ELP1: variants seen among roughly 807,000 people sequenced by gnomAD.
ELP1 encodes the protein elongator acetyltransferase complex subunit 1, also known as elongator complex protein 1.
ELP1 carries 131 observed loss-of-function variants against 183.2 expected under a neutral mutation model. The observed-to-expected ratio is 0.72, with a 90% CI of 0.62 to 0.83. The LOEUF is 0.83. Among genes scored for constraint, ELP1 ranks in the 40% least tolerant of loss-of-function variants. The pLI is 0.00. For synonymous variants in ELP1, 555 were observed against 569.0 expected (o/e 0.98, Z 0.35); for missense variants, 1,550 against 1,594.9 (o/e 0.97, Z 0.48).
chr9:108,878,869 T>A (rs2118936751), intron 33 of ELP1, 119 bp from the exon 34 acceptor site: 1 of 1,065,138 alleles, frequency 9.4e-7, no homozygotes, highest in African/African-American at 1.6e-5. Flanking sequence ...TTCACAGATC[T>A]CCATTTTAAA....
chr9:108,870,400 AG>A (rs1827404625), intron 36 of ELP1, among the ~76,000 whole-genome samples: 1 of 152,238 alleles, frequency 6.6e-6, no homozygotes, highest in Non-Finnish European at 1.5e-5. Context: ...CCTACAATAA[AG>A]TAAGCTAGAG....
chr9:108,888,957 G>C (rs1489754340), intron 29 of ELP1, among the ~76,000 whole-genome samples: 1 of 152,186 alleles, frequency 6.6e-6, no homozygotes, highest in South Asian at 2.1e-4. Context: ...TTCCAATAGG[G>C]AGAATGAGAG....
intron 14 of ELP1, among the ~76,000 whole-genome samples, chr9:108,905,036 C>T (rs967689141): frequency 6.6e-6 from 1 of 152,170 alleles, no homozygotes; most frequent in African/African-American, 2.4e-5. Context: ...TAGTAAATTG[C>T]TCCGCTTTTC....
In ELP1 at chr9:108,906,372, CG is replaced by C; in HGVS notation, c.1573del (p.Arg525GlyfsTer7). On this transcript the variant is annotated frameshift_variant, in exon 14 of 37. Coordinates refer to ENST00000374647, the MANE Select transcript of ELP1 (RefSeq NM_003640.5). LOFTEE classifies it high-confidence loss of function. ...LAVSHSEFSP[R>X]SVIHHLTAAS... ...TGCAGTCAAATGGTGAATGACAGAC[CG>C]GGGGCTGAACTCACTGTGGCTTACA... 6.2e-7 allele frequency: 1 copy of C among 1,613,954 alleles called. No individual in the cohort carries two copies. Among genetic ancestry groups the C allele is most frequent in the Non-Finnish European group, 8.5e-7 (1 of 1,179,942 alleles).
chr9:108,902,969 A>G (rs1828867637), intron 15 of ELP1, 27 bp from the exon 16 acceptor site: 1 of 1,559,238 alleles, frequency 6.4e-7, no homozygotes, highest in Non-Finnish European at 8.8e-7. Flanking sequence ...TCTAGTTCAC[A>G]AATAGCTGAT....
At chr9:108,890,229 C>T (rs756736599) in intron 28 of ELP1, among the ~76,000 whole-genome samples, 8 of 151,914 alleles carry the variant, frequency 5.3e-5, no homozygotes, top group African/African-American at 9.7e-5. Flanking sequence ...AAGGAATTCT[C>T]GACATTTGTA....
At chr9:108,925,985 T>A (rs528304675) in intron 5 of ELP1, among the ~76,000 whole-genome samples, 1 of 152,148 alleles carries the variant, frequency 6.6e-6, no homozygotes, top group Non-Finnish European at 1.5e-5. Context: ...TTCTTCCCCA[T>A]CCCTCTTCAA....
At position 108,902,688 on chromosome 9, in the gene ELP1, T is replaced by C. The variant is rs936978229; in HGVS notation, c.1854+151A>G. The C allele has an allele frequency of 8.7e-6, 6 of 692,114 alleles. No homozygotes were observed. The Admixed American group carries it at 1.2e-4, about 14-fold the overall frequency. The allele number at this position is 692,114 out of a possible 1,614,324, so 42.9% of individuals were successfully genotyped here. A position where few individuals can be genotyped will look rare whatever the true frequency, so the allele number is the denominator to read the frequency against. ...TTTCCCATTTTATAGATGAATAAGG[T>C]GTGGCTTATGAAAGTGAGATCATTT... On this transcript the variant is annotated intron_variant, in intron 16 of 36. Transcript: ENST00000374647.
chr9:108,888,498 T>C (rs1295593699), intron 29 of ELP1, among the ~76,000 whole-genome samples: 1 of 152,192 alleles, frequency 6.6e-6, no homozygotes, highest in African/African-American at 2.4e-5. Context: ...AAAAAGATAA[T>C]GACATCTTAT....
At chr9:108,911,936 C>T (rs1829237164) in intron 11 of ELP1, among the ~76,000 whole-genome samples, 1 of 152,110 alleles carries the variant, frequency 6.6e-6, no homozygotes, top group African/African-American at 2.4e-5. Context: ...TCAGGGCAAA[C>T]AGATAAAGCT....
rs10759327 is a variant in ELP1 at position 108,902,556 on chromosome 9, C to A, written c.1854+283G>T. 0.48 allele frequency among the ~76,000 whole-genome samples: 73,318 copies of A among 151,986 alleles called. 17,985 individuals are homozygous for A. The highest frequency in any genetic ancestry group is 0.59 in the East Asian group (3,037 of 5,162). Reference sequence around the variant, plus strand: ...TCAAGATCACATTTCTGTTTCCCCTCCTAAATAAAATTAACTTTGAATGAT... The same window carrying A: ...TCAAGATCACATTTCTGTTTCCCCTACTAAATAAAATTAACTTTGAATGAT... On this transcript the variant is annotated intron_variant, in intron 16 of 36. Coordinates refer to ENST00000374647, the MANE Select transcript of ELP1 (RefSeq NM_003640.5).
Position 108,918,891 on chromosome 9 carries a change from C to A in ELP1, c.660G>T (p.Lys220Asn). The change falls in exon 8 of 37, where the codon AAG becomes AAT. Residue 220 changes from lysine to asparagine, a missense_variant. Lys to Asn is a moderately conservative substitution (Grantham distance 94). Coordinates refer to ENST00000374647, the MANE Select transcript of ELP1 (RefSeq NM_003640.5). ...CAAACTCTCGGTTCCACACTCTGACCTTCCGAGCCCCTGTGCGGGAGTGGA... is the reference window on the plus strand; with the variant it reads ...CAAACTCTCGGTTCCACACTCTGACATTCCGAGCCCCTGTGCGGGAGTGGA... ...SVVCPETGAR[K>N]VRVWNREFAL... is the part of the protein sequence containing the mutation. 1 of 1,614,020 alleles carries A rather than the reference C, an allele frequency of 6.2e-7. No individual in the cohort carries two copies. Among genetic ancestry groups the A allele is most frequent in the Non-Finnish European group, 8.5e-7 (1 of 1,179,862 alleles).
chr9:108,874,923 C>A lies in ELP1; in HGVS notation c.3903G>T (p.Gln1301His), dbSNP rs200524123. Reference protein sequence around the residue: ...STANSIMASYQQQKTSVPVLD... With the variant: ...STANSIMASYHQQKTSVPVLD... ...GAACAGGAACCGAAGTCTTCTGTTG[C>A]TGATAAGATGCCATGATACTATTTG... The change falls in exon 36 of 37, where the codon CAG becomes CAT. Residue 1301 changes from glutamine (Q) to histidine (H), a missense_variant. Coordinates refer to ENST00000374647, the MANE Select transcript of ELP1 (RefSeq NM_003640.5). The A allele has an allele frequency of 1.2e-5, 20 of 1,612,496 alleles. No homozygotes were observed. In the Admixed American group the frequency reaches 3.3e-4, roughly 27 times the overall value.
chr9:108,881,127 TA>T (rs1409432564), intron 31 of ELP1, among the ~76,000 whole-genome samples: 4 of 152,206 alleles, frequency 2.6e-5, no homozygotes, highest in Non-Finnish European at 4.4e-5. Flanking sequence ...AGGTAACTTT[TA>T]AAAAATACTT....
intron 24 of ELP1, 61 bp downstream of exon 24, chr9:108,896,892 T>C (rs1587890876): frequency 7.2e-7 from 1 of 1,397,668 alleles, no homozygotes; most frequent in East Asian, 2.3e-5. Context: ...GATTGTCACC[T>C]GCAGAAGACT....
In ELP1 at chr9:108,878,034, T is replaced by C. The variant is rs145380688; in HGVS notation, c.3816A>G (p.Glu1272=). 1.4e-5 allele frequency: 22 copies of C among 1,614,078 alleles called. No individual in the cohort carries two copies. The highest frequency in any genetic ancestry group is 1.7e-5 in the Non-Finnish European group (20 of 1,180,046). ...TLQLMERSLP[E]IWTLTYQQNS... ...TCTGCTGGTAAGTAAGAGTCCAAATTTCTGGAAGTGACCTTTCCATCAACT... is the reference window on the plus strand; with the variant it reads ...TCTGCTGGTAAGTAAGAGTCCAAATCTCTGGAAGTGACCTTTCCATCAACT... The change falls in exon 35 of 37, where the codon GAA becomes GAG. Residue 1272 remains glutamate, a synonymous_variant. Coordinates refer to ENST00000374647, the MANE Select transcript of ELP1 (RefSeq NM_003640.5).
At chr9:108,896,245 A>G (rs1334528897) in intron 25 of ELP1, among the ~76,000 whole-genome samples, 1 of 152,144 alleles carries the variant, frequency 6.6e-6, no homozygotes. Context: ...CGACTGAGTG[A>G]GACTCCGTCT....
intron 15 of ELP1, among the ~76,000 whole-genome samples, chr9:108,903,322 C>T (rs914708035): frequency 1.3e-5 from 2 of 151,780 alleles, no homozygotes; most frequent in Admixed American, 6.6e-5. Flanking sequence ...TGAGAACATG[C>T]GGTGTTTGGT....
intron 20 of ELP1, among the ~76,000 whole-genome samples, chr9:108,899,142 C>CA (rs144019669): frequency 0.23 from 33,802 of 146,554 alleles, 4,377 homozygotes; most frequent in Admixed American, 0.31. Flanking sequence ...ACTGAAAATA[C>CA]AAAAAAAAAA....
Sources: gnomAD v4.1 joint callset for allele counts (sites outside exome capture counted in the v4.1 genomes callset) on GRCh38, gnomAD v4.1.1 for gene constraint, MANE v1.5 for transcripts, NCBI Gene and HGNC (gene_info 2026-07-23, HGNC 2026-07-21) for gene names.